Variants in PLEKHG1 observed in about 807,000 individuals in gnomAD.
The protein encoded by PLEKHG1 is pleckstrin homology and RhoGEF domain containing G1, also known as pleckstrin homology domain-containing family G member 1.
In PLEKHG1, 44 loss-of-function variants were observed where a neutral mutation model predicts 100.8. The ratio of observed to expected loss-of-function variants is 0.44; its 90% confidence interval spans 0.34 to 0.56. The LOEUF is 0.56. PLEKHG1 is among the 20% of genes least tolerant of loss of function. The pLI is 0.01. For missense variants in PLEKHG1, 1,545 were observed against 1,720.9 expected (o/e 0.90, Z 1.81); for synonymous variants, 640 against 662.5 (o/e 0.97, Z 0.52).
intron 2 of PLEKHG1, among the ~76,000 whole-genome samples, chr6:150,760,900 A>G (rs1413714905): frequency 3.9e-5 from 6 of 152,056 alleles, no homozygotes; most frequent in Non-Finnish European, 8.8e-5. Flanking sequence ...TTATTGTAAA[A>G]AGGCCTCTTA....
intron 2 of PLEKHG1, among the ~76,000 whole-genome samples, chr6:150,641,207 C>T (rs1778243758): frequency 6.6e-6 from 1 of 152,040 alleles, no homozygotes; most frequent in African/African-American, 2.4e-5. Context: ...AACTAGAAAC[C>T]ATACATATCT....
chr6:150,695,722 CAACA>C (rs1780518285), intron 3 of PLEKHG1, among the ~76,000 whole-genome samples: 1 of 152,112 alleles, frequency 6.6e-6, no homozygotes, highest in African/African-American at 2.4e-5. Context: ...GAAAAACAAA[CAACA>C]AACAAAAAAG....
chr6:150,748,764 G>A (rs1400938730), intron 2 of PLEKHG1, among the ~76,000 whole-genome samples: 5 of 151,766 alleles, frequency 3.3e-5, no homozygotes, highest in Admixed American at 3.3e-4. Context: ...TGGGATTACA[G>A]ACGCACCCCC....
chr6:150,699,220 A>G (rs1033216611), intron 3 of PLEKHG1, among the ~76,000 whole-genome samples: 3 of 152,184 alleles, frequency 2.0e-5, no homozygotes, highest in African/African-American at 7.2e-5. Context: ...TTGTTTTTGC[A>G]GTTTCTTATA....
chr6:150,790,904 T>C (rs1390973861), intron 4 of PLEKHG1, among the ~76,000 whole-genome samples: 1 of 152,112 alleles, frequency 6.6e-6, no homozygotes, highest in Non-Finnish European at 1.5e-5. Flanking sequence ...GCGCCTGTAT[T>C]CCCAGCTACT....
At chr6:150,654,118 A>G (rs1006569411) in intron 3 of PLEKHG1, among the ~76,000 whole-genome samples, 3 of 152,186 alleles carry the variant, frequency 2.0e-5, no homozygotes, top group Non-Finnish European at 4.4e-5. Flanking sequence ...GCATCAGGGT[A>G]GAGCTGCCAC....
intron 3 of PLEKHG1, among the ~76,000 whole-genome samples, chr6:150,704,647 G>A (rs979422236): frequency 2.6e-5 from 4 of 152,250 alleles, no homozygotes; most frequent in African/African-American, 9.6e-5. Flanking sequence ...AAATTCTGAT[G>A]TTGTGCTCTT....
chr6:150,828,711 A>T (rs1583210662), intron 14 of PLEKHG1, among the ~76,000 whole-genome samples: 1 of 152,140 alleles, frequency 6.6e-6, no homozygotes, highest in East Asian at 1.9e-4. Flanking sequence ...CTTAGGAAGG[A>T]TCACTTTTGG....
At chr6:150,804,729 G>A (rs771993639) in exon 7 of PLEKHG1, 58 of 1,613,572 alleles carry the variant, frequency 3.6e-5, no homozygotes, top group Admixed American at 6.7e-5. Flanking sequence ...ACGAGCACGC[G>A]GTCCGGTTAC....
At chr6:150,624,111 A>G (rs1446422777) in intron 1 of PLEKHG1, among the ~76,000 whole-genome samples, 3 of 152,232 alleles carry the variant, frequency 2.0e-5, no homozygotes, top group Non-Finnish European at 4.4e-5. Context: ...CAGTGACTAC[A>G]TGGTGCTGTA....
intron 1 of PLEKHG1, among the ~76,000 whole-genome samples, chr6:150,722,594 C>T (rs1192545458): frequency 3.9e-5 from 6 of 152,078 alleles, no homozygotes; most frequent in South Asian, 2.1e-4. Context: ...CCTTGTGATC[C>T]GCCCGCCTTG....
chr6:150,658,548 T>C (rs1255127226), intron 3 of PLEKHG1, among the ~76,000 whole-genome samples: 1 of 152,190 alleles, frequency 6.6e-6, no homozygotes, highest in Non-Finnish European at 1.5e-5. Flanking sequence ...TGCCAAATCA[T>C]TTGTCTATGG....
At chr6:150,729,547 C>T (rs1289363970) in intron 1 of PLEKHG1, among the ~76,000 whole-genome samples, 1 of 152,158 alleles carries the variant, frequency 6.6e-6, no homozygotes, top group Non-Finnish European at 1.5e-5. Context: ...GTGCATTTTC[C>T]TACGTGAGGA....
chr6:150,836,017 C>A (rs1384669683), intron 15 of PLEKHG1, among the ~76,000 whole-genome samples: 2 of 152,190 alleles, frequency 1.3e-5, no homozygotes, highest in Admixed American at 1.3e-4. Flanking sequence ...ACCTGATTTC[C>A]AGGCCACCTT....
intron 10 of PLEKHG1, 57 bp downstream of exon 11, chr6:150,809,791 C>A: frequency 7.5e-7 from 1 of 1,331,894 alleles, no homozygotes; most frequent in Non-Finnish European, 1.1e-6. Flanking sequence ...ATCATTTGAA[C>A]CTGGGAGGTG....
intron 3 of PLEKHG1, among the ~76,000 whole-genome samples, chr6:150,706,642 A>C (rs1019977106): frequency 1.3e-5 from 2 of 151,652 alleles, no homozygotes; most frequent in Non-Finnish European, 2.9e-5. Context: ...AACAAAAACA[A>C]AACAGGAACT....
chr6:150,807,917 C>T (rs984496126), intron 7 of PLEKHG1, among the ~76,000 whole-genome samples: 10 of 151,914 alleles, frequency 6.6e-5, no homozygotes, highest in African/African-American at 1.2e-4. Flanking sequence ...TGCAGTGAGC[C>T]GAGATTGTGC....
intron 1 of PLEKHG1, among the ~76,000 whole-genome samples, chr6:150,637,391 T>G (rs1388986092): frequency 6.8e-6 from 1 of 146,346 alleles, no homozygotes; most frequent in Non-Finnish European, 1.5e-5. Context: ...TGTTTTTGGG[T>G]TTTTTTTTTT....
At chr6:150,827,432 C>T (rs963169570) in intron 14 of PLEKHG1, among the ~76,000 whole-genome samples, 2 of 152,022 alleles carry the variant, frequency 1.3e-5, no homozygotes, top group African/African-American at 4.8e-5. Context: ...CATGCATCAC[C>T]ATGCCCGGCT....
Sources: gnomAD v4.1 joint callset for allele counts (sites outside exome capture counted in the v4.1 genomes callset) on GRCh38, gnomAD v4.1.1 for gene constraint, MANE v1.5 for transcripts, NCBI Gene and HGNC (gene_info 2026-07-23, HGNC 2026-07-21) for gene names.